Variants in MYLK4 observed in about 807,000 individuals in gnomAD.
The protein encoded by MYLK4 is myosin light chain kinase family member 4.
In MYLK4, 46 loss-of-function variants were observed where a neutral mutation model predicts 48.1. That is an observed-to-expected ratio of 0.96 (90% CI 0.75 to 1.22). The LOEUF is 1.22. Among genes scored for constraint, MYLK4 ranks in the 50% most tolerant of loss-of-function variants. The pLI is 0.00. For synonymous variants in MYLK4, 170 were observed against 180.8 expected, an observed-to-expected ratio of 0.94 and a Z score of 0.48; for missense variants, 451 against 486.1, an observed-to-expected ratio of 0.93 and a Z score of 0.68.
chr6:2,742,840 C>T (rs11755218), intron 2 of MYLK4, among the ~76,000 whole-genome samples: 23,921 of 151,450 alleles, frequency 0.16, 2,038 homozygotes, highest in Middle Eastern at 0.22. Context: ...GCACATTGTG[C>T]ACATGTACCC....
At chr6:2,670,856 TCTCTGAGA>T (rs1157848260) in intron 12 of MYLK4, among the ~76,000 whole-genome samples, 1 of 152,004 alleles carries the variant, frequency 6.6e-6, no homozygotes, top group African/African-American at 2.4e-5. Flanking sequence ...TGTCTCTGAG[TCTCTGAGA>T]CTCTGAGACT....
intron 10 of MYLK4, 73 bp from the exon 11 acceptor site, chr6:2,675,198 T>C: frequency 1.8e-6 from 2 of 1,095,320 alleles, no homozygotes. Flanking sequence ...CAATCTCAAC[T>C]CCAGCTTCTG....
At chr6:2,735,062 T>C (rs960476031) in intron 2 of MYLK4, among the ~76,000 whole-genome samples, 1 of 152,160 alleles carries the variant, frequency 6.6e-6, no homozygotes, top group African/African-American at 2.4e-5. Flanking sequence ...CAAAACTAAG[T>C]TCAAATTAAG....
the MYLK4 span, among the ~76,000 whole-genome samples, chr6:2,767,402 G>A: frequency 6.6e-6 from 1 of 152,232 alleles, no homozygotes; most frequent in Non-Finnish European, 1.5e-5. Flanking sequence ...TTGCACACAA[G>A]GCTTTTATGA....
chr6:2,729,266 G>A (rs1027461675), intron 2 of MYLK4, among the ~76,000 whole-genome samples: 1 of 152,194 alleles, frequency 6.6e-6, no homozygotes, highest in Non-Finnish European at 1.5e-5. Context: ...AACCTCTCTG[G>A]GCATGGCTGG....
chr6:2,760,865 G>A, the MYLK4 span, among the ~76,000 whole-genome samples: 1 of 152,216 alleles, frequency 6.6e-6, no homozygotes, highest in East Asian at 1.9e-4. Context: ...ATAGATTCCA[G>A]AAGATGTAGT....
At chr6:2,752,860 G>A (rs1262223422), upstream of MYLK4, among the ~76,000 whole-genome samples, 1 of 152,182 alleles carries the variant, frequency 6.6e-6, no homozygotes, top group African/African-American at 2.4e-5. Flanking sequence ...GTGACTGATT[G>A]TCTGGTTCTG....
At chr6:2,693,238 G>T (rs1420230991) in intron 2 of MYLK4, among the ~76,000 whole-genome samples, 1 of 152,160 alleles carries the variant, frequency 6.6e-6, no homozygotes, top group East Asian at 1.9e-4. Context: ...TATTTTCAAA[G>T]AAATTCTGTA....
At position 2,673,524 on chromosome 6, in the gene MYLK4, G is replaced by T. The variant is rs1040498308; in HGVS notation, c.1119+1523C>A. ...GGAAATGGAGAGGATGAGGAGCAAA[G>T]GTGGAAGAAACAAAAACGTATCAAA... On this transcript the variant is annotated intron_variant, in intron 11 of 12. Transcript: ENST00000274643. The surrounding 1 kb of genome is among the most constrained non-coding windows in gnomAD (Gnocchi z 4.2). 1.3e-5 allele frequency among the ~76,000 whole-genome samples: 2 copies of T among 152,194 alleles called. No individual in the cohort carries two copies. Among genetic ancestry groups the T allele is most frequent in the African/African-American group, 4.8e-5 (2 of 41,444 alleles).
chr6:2,729,219 T>C (rs900401743), intron 2 of MYLK4, among the ~76,000 whole-genome samples: 5 of 152,274 alleles, frequency 3.3e-5, no homozygotes, highest in African/African-American at 1.2e-4. Context: ...ATGCAGCAAA[T>C]TTCAAAGACT....
the MYLK4 span, among the ~76,000 whole-genome samples, chr6:2,768,072 G>A: frequency 2.0e-5 from 3 of 152,162 alleles, no homozygotes; most frequent in South Asian, 2.1e-4. Flanking sequence ...GAGGACCCAA[G>A]AAGTGCTTTA....
chr6:2,762,707 G>GGAAACTGTTAA, the MYLK4 span, among the ~76,000 whole-genome samples: 1 of 152,076 alleles, frequency 6.6e-6, no homozygotes, highest in Non-Finnish European at 1.5e-5. Context: ...AGACCCTCAC[G>GGAAACTGTTAA]GAAACTGTTA....
chr6:2,706,523 C>A (rs1307329037), intron 2 of MYLK4, among the ~76,000 whole-genome samples: 1 of 151,940 alleles, frequency 6.6e-6, no homozygotes, highest in Non-Finnish European at 1.5e-5. Flanking sequence ...TAAATTTATA[C>A]CTCAGTGAAG....
Position 2,671,320 on chromosome 6 carries a change from T to C in MYLK4, c.1148A>G (p.Gln383Arg). 1 of 1,614,126 alleles carries C rather than the reference T, an allele frequency of 6.2e-7. No homozygotes were observed. The highest frequency in any genetic ancestry group is 2.2e-5 in the East Asian group (1 of 44,884). The change falls in exon 12 of 13, where the codon CAG (glutamine) becomes CGG (arginine). Residue 383 changes from glutamine to arginine, a missense_variant. Gln to Arg is a conservative substitution (Grantham distance 43). Transcript: ENST00000274643. ...TGTAGACTATTTGGTCACAAAGTCC[T>C]GGGCATCAGAGCCACGATTCTTCTT... ...QKKKNRGSDA[Q>R]DFVTK
chr6:2,735,127 A>G (rs979215530), intron 2 of MYLK4, among the ~76,000 whole-genome samples: 1 of 152,378 alleles, frequency 6.6e-6, no homozygotes, highest in African/African-American at 2.4e-5. Flanking sequence ...AATGCCTCTT[A>G]GCCATCATTA....
At chr6:2,725,527 AAAAGAAACAAAGAAAGAAAC>A (rs1190782802) in intron 2 of MYLK4, among the ~76,000 whole-genome samples, 1 of 135,174 alleles carries the variant, frequency 7.4e-6, no homozygotes, top group Non-Finnish European at 1.6e-5. Context: ...GAGAGAGAGA[AAAAGAAACAAAGAAAGAAAC>A]AAAGAAACAA....
At chr6:2,725,599 G>GAAAC (rs916926678) in intron 2 of MYLK4, among the ~76,000 whole-genome samples, 1 of 142,052 alleles carries the variant, frequency 7.0e-6, no homozygotes, top group East Asian at 2.0e-4. Flanking sequence ...AAGAAAGAAA[G>GAAAC]AAAGAAACAA....
chr6:2,710,125 G>T (rs1762622343), intron 2 of MYLK4, among the ~76,000 whole-genome samples: 1 of 152,136 alleles, frequency 6.6e-6, no homozygotes, highest in East Asian at 1.9e-4. Context: ...TAGCTTTTAA[G>T]TACTAATATA....
intron 2 of MYLK4, among the ~76,000 whole-genome samples, chr6:2,694,233 C>T (rs1288022342): frequency 1.3e-5 from 2 of 152,030 alleles, no homozygotes; most frequent in African/African-American, 2.4e-5. Flanking sequence ...CGGCACTTGC[C>T]TACTTTTCCC....
Sources: allele counts gnomAD v4.1 joint callset (sites outside exome capture counted in the v4.1 genomes callset), GRCh38; gene constraint gnomAD v4.1.1; non-coding constraint Gnocchi (gnomAD v3.1); transcripts MANE v1.5; gene names NCBI Gene and HGNC (gene_info 2026-07-23, HGNC 2026-07-21).